VPS13B: variants seen among roughly 807,000 people sequenced by gnomAD.
VPS13B encodes intermembrane lipid transfer protein VPS13B.
In VPS13B, 285 loss-of-function variants were observed where a neutral mutation model predicts 426.4. The ratio of observed to expected loss-of-function variants is 0.67; its 90% CI spans 0.61 to 0.74. VPS13B has a LOEUF of 0.74. Ranked by LOEUF, VPS13B falls within the 30% of genes least tolerant of loss-of-function variation. VPS13B has a pLI of 0.00. For synonymous variants in VPS13B, 1,676 were observed against 1,676.4 expected (o/e 1.00, Z 0.01); for missense variants, 4,537 against 4,782.6 (o/e 0.95, Z 1.51).
chr8:99,588,803 A>C (rs1203245681), intron 33 of VPS13B, among the ~76,000 whole-genome samples: 1 of 151,632 alleles, frequency 6.6e-6, no homozygotes, highest in African/African-American at 2.4e-5. Flanking sequence ...AATGCCCTTT[A>C]TTTCTTTCTC....
At chr8:99,572,536 G>A (rs988300135) in intron 31 of VPS13B, among the ~76,000 whole-genome samples, 7 of 150,994 alleles carry the variant, frequency 4.6e-5, no homozygotes, top group African/African-American at 1.7e-4. Flanking sequence ...TCCCACCTAT[G>A]AGTGAGAACA....
chr8:99,050,974 G>A (rs1363197012), intron 3 of VPS13B, among the ~76,000 whole-genome samples: 1 of 152,136 alleles, frequency 6.6e-6, no homozygotes, highest in East Asian at 1.9e-4. Flanking sequence ...TTCCCATTCT[G>A]TAGGTTGTCT....
chr8:99,082,265 G>A (rs1196351848), intron 3 of VPS13B, among the ~76,000 whole-genome samples: 3 of 152,164 alleles, frequency 2.0e-5, no homozygotes, highest in Admixed American at 1.3e-4. Flanking sequence ...GTCTTCTTTT[G>A]ATAAGTGTCT....
intron 3 of VPS13B, among the ~76,000 whole-genome samples, chr8:99,051,244 A>T (rs1278816096): frequency 6.6e-6 from 1 of 152,218 alleles, no homozygotes; most frequent in Non-Finnish European, 1.5e-5. Flanking sequence ...AGCTTTCTAC[A>T]TATGGCTAGC....
At chr8:99,532,825 A>G (rs1822998759) in intron 30 of VPS13B, among the ~76,000 whole-genome samples, 3 of 151,204 alleles carry the variant, frequency 2.0e-5, no homozygotes. Context: ...TAACACAAAA[A>G]TACACACTTC....
intron 33 of VPS13B, among the ~76,000 whole-genome samples, chr8:99,600,340 C>G (rs942062547): frequency 4.6e-5 from 7 of 152,128 alleles, no homozygotes; most frequent in African/African-American, 1.7e-4. Flanking sequence ...GGCACACTCT[C>G]TCACATACAC....
intron 21 of VPS13B, among the ~76,000 whole-genome samples, chr8:99,417,844 T>C (rs532460659): frequency 1.3e-5 from 2 of 152,224 alleles, no homozygotes; most frequent in South Asian, 4.2e-4. Flanking sequence ...CCCATGACTT[T>C]CCATTGAGAT....
At chr8:99,335,534 A>T (rs1280000418) in intron 19 of VPS13B, among the ~76,000 whole-genome samples, 1 of 152,104 alleles carries the variant, frequency 6.6e-6, no homozygotes, top group Non-Finnish European at 1.5e-5. Context: ...CAGGAGAAGG[A>T]AATAAAGGGT....
In VPS13B at chr8:99,556,280, A is replaced by G. The variant is rs534124505; in HGVS notation, c.4746-170A>G. Among the ~76,000 whole-genome samples, 6 of 152,264 alleles carry G rather than the reference A, an allele frequency of 3.9e-5. No homozygotes were observed. In the South Asian group the frequency reaches 8.3e-4, roughly 21 times the overall value. On this transcript the variant is annotated intron_variant, in intron 30 of 61. Coordinates refer to ENST00000357162, the MANE Select transcript of VPS13B (RefSeq NM_152564.5). The stretch of plus-strand genomic sequence containing the variant: ...GTTTTGGATATGTTTTCAAGTCATA[A>G]TATGTACTAACTTTCTGAAACCTTT...
chr8:99,394,927 T>A (rs967365948), intron 21 of VPS13B, among the ~76,000 whole-genome samples: 1 of 152,224 alleles, frequency 6.6e-6, no homozygotes, highest in African/African-American at 2.4e-5. Flanking sequence ...TATAGAACTT[T>A]AGCTTCTGGC....
intron 24 of VPS13B, among the ~76,000 whole-genome samples, chr8:99,479,426 T>C (rs1416223928): frequency 1.3e-5 from 2 of 152,198 alleles, no homozygotes; most frequent in Non-Finnish European, 2.9e-5. Context: ...CCACCTCACA[T>C]GGTATTTATT....
At chr8:99,541,701 A>T (rs1030098650) in intron 30 of VPS13B, among the ~76,000 whole-genome samples, 2 of 152,200 alleles carry the variant, frequency 1.3e-5, no homozygotes, top group Non-Finnish European at 2.9e-5. Flanking sequence ...ATGGGGAAAA[A>T]GATTTTTACA....
At chr8:99,807,688 TG>T (rs1349653081) in intron 43 of VPS13B, among the ~76,000 whole-genome samples, 2 of 151,758 alleles carry the variant, frequency 1.3e-5, no homozygotes, top group African/African-American at 4.8e-5. Context: ...TGTGTGTGTG[TG>T]TGTGTGTGTG....
chr8:99,673,453 T>C (rs1183290656), intron 35 of VPS13B, among the ~76,000 whole-genome samples: 1 of 152,084 alleles, frequency 6.6e-6, no homozygotes, highest in Non-Finnish European at 1.5e-5. Context: ...GTATCAGTTG[T>C]AATGTCTCCT....
At chr8:99,819,784 C>A in intron 48 of VPS13B, 137 bp from the exon 49 acceptor site, 1 of 1,287,736 alleles carries the variant, frequency 7.8e-7, no homozygotes, top group Non-Finnish European at 1.1e-6. Context: ...CTCCTGCATG[C>A]AAATTTAGCA....
chr8:99,613,693 T>C (rs1436237020), intron 33 of VPS13B: 1 of 152,194 alleles, frequency 6.6e-6, no homozygotes, highest in Non-Finnish European at 1.5e-5. Context: ...GTTATAGAAA[T>C]GTAAAATTGG....
chr8:99,319,879 G>C (rs115285206), intron 19 of VPS13B, among the ~76,000 whole-genome samples: 127 of 152,252 alleles, frequency 8.3e-4, no homozygotes, highest in African/African-American at 2.9e-3. Context: ...ATAATATAAC[G>C]TATTTTAGGT....
intron 54 of VPS13B, 88 bp from the exon 55 acceptor site, chr8:99,848,687 TG>T: frequency 1.7e-6 from 2 of 1,164,494 alleles, no homozygotes; most frequent in South Asian, 1.2e-5. Context: ...TTTGTGGTAT[TG>T]AATCAGAACT....
In VPS13B at chr8:99,853,873, A is replaced by G. The variant is rs1290200395; in HGVS notation, c.10484A>G (p.Asn3495Ser). 6.2e-7 allele frequency: 1 copy of G among 1,614,230 alleles called. No individual in the cohort carries two copies. The highest frequency in any genetic ancestry group is 2.2e-5 in the East Asian group (1 of 44,886). The change falls in exon 56 of 62, where the codon AAT (asparagine) becomes AGT (serine). Residue 3495 changes from asparagine to serine, a missense_variant. By Grantham distance (46) the Asn-to-Ser change is conservative. Around this residue, in one of 2 missense-constraint regions of VPS13B, gnomAD observed 4,311 missense variants for 4,474.3 expected, o/e 0.96. Coordinates refer to ENST00000357162, the MANE Select transcript of VPS13B (RefSeq NM_152564.5). ...NEGKSILCDI[N>S]EFSFELKPAR... ...GGCAAGAGCATCCTCTGTGATATTA[A>G]TGAGTTCAGCTTTGAATTAAAACCT...
Sources: gnomAD v4.1 joint callset for allele counts (sites outside exome capture counted in the v4.1 genomes callset) on GRCh38, gnomAD v4.1.1 for gene constraint, gnomAD v4.1.1 regional missense constraint, MANE v1.5 for transcripts, NCBI Gene and HGNC (gene_info 2026-07-23, HGNC 2026-07-21) for gene names.